Variants in AGPAT3 observed in about 807,000 individuals in gnomAD.
AGPAT3 encodes 1-acylglycerol-3-phosphate O-acyltransferase 3, also known as 1-acyl-sn-glycerol-3-phosphate acyltransferase gamma.
Under a neutral mutation model 47.3 loss-of-function variants are expected in AGPAT3, and 5 were observed. The observed-to-expected ratio is 0.11, with a 90% CI of 0.06 to 0.22. The LOEUF is 0.22. Ranked by LOEUF, AGPAT3 falls within the 10% of genes least tolerant of loss-of-function variation. The pLI, the probability that AGPAT3 is intolerant of heterozygous loss-of-function variation, is 1.00. For synonymous variants in AGPAT3, 212 were observed against 208.3 expected (o/e 1.02, Z -0.15); for missense variants, 315 against 493.0 (o/e 0.64, Z 3.42).
At chr21:43,875,798 G>A (rs771028391) in intron 1 of AGPAT3, among the ~76,000 whole-genome samples, 5 of 152,140 alleles carry the variant, frequency 3.3e-5, no homozygotes, top group Non-Finnish European at 7.4e-5. Flanking sequence ...AGTAGAGACG[G>A]GGTTTCACCC....
chr21:43,902,019 T>C (rs1601256370), intron 1 of AGPAT3, among the ~76,000 whole-genome samples: 1 of 152,064 alleles, frequency 6.6e-6, no homozygotes, highest in African/African-American at 2.4e-5. Context: ...AAGACAATAA[T>C]GGCTAGAATT....
In AGPAT3 at chr21:43,908,374, C is replaced by T. The variant is rs914884615; in HGVS notation, c.-49+4355C>T. On this transcript the variant is annotated intron_variant, in intron 2 of 9. Transcript: ENST00000291572. This position sits in a 1 kb window ranked among gnomAD's most constrained non-coding sequence, Gnocchi z 4.9. ...GCCAACCTGACCTGTGTGTTGAGCC[C>T]CGGCCCTTCTCGATCAGAAAGGAGG... Among the ~76,000 whole-genome samples the T allele has an allele frequency of 5.9e-5, 9 of 152,186 alleles. No homozygotes were observed. The East Asian group carries it at 1.7e-3, about 29-fold the overall frequency.
chr21:43,891,769 T>G (rs1474660143), intron 1 of AGPAT3, among the ~76,000 whole-genome samples: 2 of 152,248 alleles, frequency 1.3e-5, no homozygotes, highest in Admixed American at 1.3e-4. Context: ...AGTGACTTCT[T>G]CTGCTGAAGT....
rs779463240 is a variant in AGPAT3, at chr21:43,985,504, T to A, written c.*3112T>A. The A allele has an allele frequency of 2.5e-5, 8 of 315,002 alleles. No individual in the cohort carries two copies. The highest frequency in any genetic ancestry group is 4.3e-5 in the Non-Finnish European group (7 of 162,062). The allele number at this position is 315,002 out of a possible 1,614,324, so 19.5% of individuals were successfully genotyped here. On this transcript the variant is annotated 3_prime_UTR_variant, in exon 10 of 10. Transcript: ENST00000291572. ...GGCATGAGAATCTTTCCTCACGCTG[T>A]TCGTTGCGGTATTGCTGAGCATTGA... is the stretch of plus-strand genomic sequence containing the variant.
chr21:43,974,425 GTGTT>G (rs1283258440), intron 7 of AGPAT3, among the ~76,000 whole-genome samples: 1 of 150,406 alleles, frequency 6.6e-6, no homozygotes, highest in Non-Finnish European at 1.5e-5. Flanking sequence ...TTTGTGGTGT[GTGTT>G]GAACTGTGTG....
chr21:43,919,292 TAG>T (rs1412798890), intron 2 of AGPAT3, among the ~76,000 whole-genome samples: 25 of 152,204 alleles, frequency 1.6e-4, no homozygotes, highest in African/African-American at 6.0e-4. Context: ...GGACCCAATA[TAG>T]AGTCTCTATC....
At chr21:43,885,760 C>G (rs2085960624) in intron 1 of AGPAT3, among the ~76,000 whole-genome samples, 1 of 152,232 alleles carries the variant, frequency 6.6e-6, no homozygotes, top group Non-Finnish European at 1.5e-5. Context: ...AGGCCCAGCC[C>G]TGTGGAAGCC....
At chr21:43,872,623 G>C (rs374892923) in intron 1 of AGPAT3, among the ~76,000 whole-genome samples, 95 of 152,324 alleles carry the variant, frequency 6.2e-4, no homozygotes, top group African/African-American at 2.1e-3. Flanking sequence ...GATTTTCTCA[G>C]TAGACATTCA....
intron 2 of AGPAT3, among the ~76,000 whole-genome samples, chr21:43,946,196 G>A (rs184381611): frequency 2.0e-4 from 31 of 152,276 alleles, no homozygotes; most frequent in African/African-American, 7.5e-4. Context: ...GAGAACTTAC[G>A]GTTTGTCTGG....
intron 2 of AGPAT3, among the ~76,000 whole-genome samples, chr21:43,907,228 C>G (rs112345012): frequency 0.028 from 4,208 of 151,920 alleles, 172 homozygotes; most frequent in African/African-American, 0.08. Flanking sequence ...CGGGTTTTGC[C>G]ATGTTGCCCA....
chr21:43,971,758 TG>T (rs1397956753), intron 7 of AGPAT3, among the ~76,000 whole-genome samples: 2 of 152,296 alleles, frequency 1.3e-5, no homozygotes, highest in Non-Finnish European at 2.9e-5. Context: ...GCCCACGGTG[TG>T]TTTCATTCCT....
At chr21:43,976,099 G>A (rs1240235669) in intron 7 of AGPAT3, among the ~76,000 whole-genome samples, 4 of 147,764 alleles carry the variant, frequency 2.7e-5, no homozygotes, top group Non-Finnish European at 3.0e-5. Flanking sequence ...ACGGAGTCTC[G>A]CTCTGTCACC....
In AGPAT3 at chr21:43,873,257, G is replaced by A. The variant is rs369984717; in HGVS notation, c.-112+7912G>A. Among the ~76,000 whole-genome samples, 317 of 152,248 alleles carry A rather than the reference G, an allele frequency of 2.1e-3. 1 individual carries two copies. The highest frequency in any genetic ancestry group is 7.4e-3 in the African/African-American group (309 of 41,524). Reference sequence around the variant, plus strand: ...TGAAAAATAACCTCGTGCTACATTCGCCATGGAAAGGGGAAGGAAGGAGCT... The same window carrying A: ...TGAAAAATAACCTCGTGCTACATTCACCATGGAAAGGGGAAGGAAGGAGCT... On this transcript the variant is annotated intron_variant, in intron 1 of 9. Coordinates refer to ENST00000291572, the MANE Select transcript of AGPAT3 (RefSeq NM_020132.5).
chr21:43,938,110 A>G (rs1413221305), intron 2 of AGPAT3, among the ~76,000 whole-genome samples: 1 of 134,020 alleles, frequency 7.5e-6, no homozygotes, highest in Non-Finnish European at 1.7e-5. Context: ...TCTCTCACAC[A>G]CACACAGACA....
At chr21:43,959,095 T>TGTGTGTGGTTTGCGGTGTGTGTGTGG (rs2088669736) in intron 2 of AGPAT3, among the ~76,000 whole-genome samples, 2 of 43,548 alleles carry the variant, frequency 4.6e-5, no homozygotes, top group African/African-American at 2.7e-4. Context: ...TGTGTGTGTG[T>TGTGTGTGGTTTGCGGTGTGTGTGTGG]CATGTGTGTG....
intron 2 of AGPAT3, among the ~76,000 whole-genome samples, chr21:43,919,620 C>T (rs938588748): frequency 6.6e-5 from 10 of 152,200 alleles, no homozygotes; most frequent in East Asian, 1.9e-4. Flanking sequence ...TGTCTTTTTC[C>T]GCTCATGGCT....
At chr21:43,972,933 A>G (rs988632140) in intron 7 of AGPAT3, among the ~76,000 whole-genome samples, 2 of 152,126 alleles carry the variant, frequency 1.3e-5, no homozygotes, top group East Asian at 1.9e-4. Flanking sequence ...CATATTTGCA[A>G]TCCAACCACC....
rs1403600100 is a variant in AGPAT3, at chr21:43,959,859, C to T, written c.178C>T (p.Gln60Ter). 1 of 1,604,582 alleles carries T rather than the reference C, an allele frequency of 6.2e-7. No homozygotes were observed. Among genetic ancestry groups the T allele is most frequent in the Non-Finnish European group, 8.5e-7 (1 of 1,178,268 alleles). ...NCRLAYSLWS[Q>*]LVMLLEWWSC... ...CCGCCTCGCCTACTCACTCTGGAGCCGTGAGTGTCTGCTGGGCCAGTCCCT... is the reference window on the plus strand; with the variant it reads ...CCGCCTCGCCTACTCACTCTGGAGCTGTGAGTGTCTGCTGGGCCAGTCCCT... Residue 60 changes from glutamine (Q) to a stop codon, truncating the protein, a stop_gained and splice_region_variant, in exon 3 of 10, where the codon CAA becomes TAA. Transcript: ENST00000291572. LOFTEE classifies it high-confidence loss of function.
rs569225592 is a variant in AGPAT3, at chr21:43,933,188, G to C, written c.-48-26446G>C. 3.3e-5 allele frequency among the ~76,000 whole-genome samples: 5 copies of C among 152,300 alleles called. No homozygotes were observed. The East Asian group carries it at 9.6e-4, about 29-fold the overall frequency. On this transcript the variant is annotated intron_variant, in intron 2 of 9. Coordinates refer to ENST00000291572, the MANE Select transcript of AGPAT3 (RefSeq NM_020132.5). The surrounding 1 kb of genome is among the most constrained non-coding windows in gnomAD (Gnocchi z 6.0). ...ATGCCGAACAGCTCTTCGTTAACCT[G>C]CTGGCTGTCGGTGTGGCTCCTTCTG...
Sources: allele counts gnomAD v4.1 joint callset (sites outside exome capture counted in the v4.1 genomes callset), GRCh38; gene constraint gnomAD v4.1.1; non-coding constraint Gnocchi (gnomAD v3.1); transcripts MANE v1.5; gene names NCBI Gene and HGNC (gene_info 2026-07-23, HGNC 2026-07-21).